Variants in TRPC5 observed in about 807,000 individuals in gnomAD.
TRPC5 encodes the protein transient receptor potential cation channel subfamily C member 5.
Under a neutral mutation model 56.5 loss-of-function variants are expected in TRPC5, and 9 were observed. That is an observed-to-expected ratio of 0.16 (90% CI 0.10 to 0.28). The LOEUF is 0.28. Ranked by LOEUF, TRPC5 falls within the 10% of genes least tolerant of loss-of-function variation. TRPC5 has a pLI of 1.00. For synonymous variants in TRPC5, 282 were observed against 278.5 expected (o/e 1.01, Z -0.13); for missense variants, 469 against 748.9 (o/e 0.63, Z 4.36).
At chrX:111,898,287 G>A (rs1381675027) in intron 3 of TRPC5, among the ~76,000 whole-genome samples, 6 of 91,389 alleles carry the variant, frequency 6.6e-5, no homozygotes, top group East Asian at 3.1e-4. Context: ...AGACACACAC[G>A]CGTGTGTGCG....
chrX:112,063,878 G>A (rs1331645781), intron 1 of TRPC5, among the ~76,000 whole-genome samples: 1 of 111,604 alleles, frequency 9.0e-6, no homozygotes, highest in Non-Finnish European at 1.9e-5. Flanking sequence ...TGCAACCTCC[G>A]CCTCCCGGGT....
intron 5 of TRPC5, among the ~76,000 whole-genome samples, chrX:111,849,348 C>A (rs185217995): frequency 7.1e-5 from 8 of 112,609 alleles, no homozygotes; most frequent in African/African-American, 1.9e-4. Flanking sequence ...AAACATGGAG[C>A]TCATCTAGCA....
intron 7 of TRPC5, among the ~76,000 whole-genome samples, chrX:111,784,773 G>A (rs898457982): frequency 3.5e-5 from 4 of 112,887 alleles, no homozygotes; most frequent in Non-Finnish European, 5.6e-5. Context: ...GTTCTCTCCC[G>A]TGCCTGGCTT....
chrX:112,030,642 C>T (rs888969064), intron 1 of TRPC5, among the ~76,000 whole-genome samples: 5 of 112,000 alleles, frequency 4.5e-5, no homozygotes, highest in Non-Finnish European at 7.5e-5. Flanking sequence ...GCTGATCTCT[C>T]CTGGAGGAAT....
chrX:112,014,386 CAT>C (rs1354641422), intron 1 of TRPC5, among the ~76,000 whole-genome samples: 1 of 112,154 alleles, frequency 8.9e-6, no homozygotes, highest in African/African-American at 3.2e-5. Context: ...AATATTAGGT[CAT>C]TTAGTCCAGC....
intron 7 of TRPC5, among the ~76,000 whole-genome samples, chrX:111,800,753 CAA>C (rs58731485): frequency 3.0e-3 from 278 of 93,999 alleles, no homozygotes; most frequent in African/African-American, 8.8e-3. Context: ...GACTCCATCT[CAA>C]AAAAAAAAAA....
chrX:111,989,338 C>A (rs907932726), intron 1 of TRPC5, among the ~76,000 whole-genome samples: 2 of 111,759 alleles, frequency 1.8e-5, no homozygotes, highest in Non-Finnish European at 3.8e-5. Context: ...AGTGTTCCAG[C>A]ATGCTTTCCC....
At chrX:111,784,378 ATAATT>A (rs1333821052) in intron 7 of TRPC5, among the ~76,000 whole-genome samples, 19 of 112,550 alleles carry the variant, frequency 1.7e-4, no homozygotes, top group African/African-American at 4.2e-4. Context: ...ACGTGAGAAA[ATAATT>A]TAATATCATA....
At chrX:112,011,620 C>T (rs766328694) in intron 1 of TRPC5, among the ~76,000 whole-genome samples, 1 of 111,917 alleles carries the variant, frequency 8.9e-6, no homozygotes, top group South Asian at 3.8e-4. Flanking sequence ...GCAGCAGGGG[C>T]TCAGTGTTCC....
intron 5 of TRPC5, among the ~76,000 whole-genome samples, chrX:111,848,862 G>A (rs1923005616): frequency 8.9e-6 from 1 of 112,093 alleles, no homozygotes; most frequent in African/African-American, 3.2e-5. Flanking sequence ...GGTAGGAATG[G>A]TTATGCCTGT....
chrX:111,878,100 C>T (rs1054397358), intron 3 of TRPC5, among the ~76,000 whole-genome samples: 2 of 110,529 alleles, frequency 1.8e-5, no homozygotes, highest in African/African-American at 3.3e-5. Context: ...GAGTAGTAGC[C>T]TCCTTCAAAC....
intron 7 of TRPC5, among the ~76,000 whole-genome samples, chrX:111,802,852 A>C (rs1921361908): frequency 9.0e-6 from 1 of 111,279 alleles, no homozygotes; most frequent in Non-Finnish European, 1.9e-5. Flanking sequence ...TTATTTATTT[A>C]TTCATTTATT....
At chrX:111,850,064 G>C (rs189588762) in intron 5 of TRPC5, among the ~76,000 whole-genome samples, 1 of 111,765 alleles carries the variant, frequency 8.9e-6, no homozygotes, top group Non-Finnish European at 1.9e-5. Context: ...AGAATTTGAG[G>C]GGGGTGTTAT....
At chrX:111,998,373 G>A (rs1928602655) in intron 1 of TRPC5, among the ~76,000 whole-genome samples, 1 of 111,905 alleles carries the variant, frequency 8.9e-6, no homozygotes, top group Admixed American at 9.5e-5. Flanking sequence ...AGGCAATTGG[G>A]ATATCTACCA....
At chrX:111,977,975 G>C (rs1603127790) in intron 1 of TRPC5, among the ~76,000 whole-genome samples, 1 of 111,501 alleles carries the variant, frequency 9.0e-6, no homozygotes, top group African/African-American at 3.3e-5. Context: ...ATAAGTGTTG[G>C]TGAGGATGTA....
chrX:112,062,566 T>A (rs2147740472), intron 1 of TRPC5, among the ~76,000 whole-genome samples: 1 of 112,064 alleles, frequency 8.9e-6, no homozygotes, highest in African/African-American at 3.2e-5. Context: ...GGATAGATAA[T>A]ATTTTGAGAG....
intron 7 of TRPC5, among the ~76,000 whole-genome samples, chrX:111,801,963 A>G (rs1921325201): frequency 9.0e-6 from 1 of 111,703 alleles, no homozygotes; most frequent in South Asian, 3.7e-4. Flanking sequence ...TGTCTAACCC[A>G]TGGTCACAAA....
intron 1 of TRPC5, among the ~76,000 whole-genome samples, chrX:111,967,195 A>G (rs1303277945): frequency 8.9e-6 from 1 of 111,809 alleles, no homozygotes; most frequent in African/African-American, 3.3e-5. Context: ...ACAGACAAAC[A>G]GAGAGCCAAA....
chrX:111,780,724 A>C (rs1945913505), intron 9 of TRPC5, among the ~76,000 whole-genome samples: 1 of 112,100 alleles, frequency 8.9e-6, no homozygotes, highest in South Asian at 3.7e-4. Context: ...TCTGTTGTTC[A>C]AGAGTCAACT....
Sources: gnomAD v4.1 joint callset for allele counts (sites outside exome capture counted in the v4.1 genomes callset) on GRCh38, gnomAD v4.1.1 for gene constraint, MANE v1.5 for transcripts, NCBI Gene and HGNC (gene_info 2026-07-23, HGNC 2026-07-21) for gene names.